Variants in CSNK2A2IP observed in about 807,000 individuals in gnomAD.
The protein encoded by CSNK2A2IP is casein kinase 2 subunit alpha' interacting protein, also known as casein kinase II subunit alpha'-interacting protein.
At chr3:88,460,533 G>A in the CSNK2A2IP span, among the ~76,000 whole-genome samples, 2 of 152,044 alleles carry the variant, frequency 1.3e-5, no homozygotes, top group African/African-American at 4.8e-5. Context: ...ACCTTTCAGT[G>A]CAATTTTGTT....
At chr3:88,352,679 A>G in the CSNK2A2IP span, among the ~76,000 whole-genome samples, 1 of 151,966 alleles carries the variant, frequency 6.6e-6, no homozygotes. Flanking sequence ...CCCAGGCTCT[A>G]ATGATCCTCC....
At chr3:88,418,463 T>TGTGCGCGCGCGCGCGCACGCGC in the CSNK2A2IP span, among the ~76,000 whole-genome samples, 3 of 149,536 alleles carry the variant, frequency 2.0e-5, no homozygotes, top group African/African-American at 7.4e-5. Context: ...TGTGTGTGTG[T>TGTGCGCGCGCGCGCGCACGCGC]GCGCGCGGGC....
At chr3:88,460,429 C>A in the CSNK2A2IP span, among the ~76,000 whole-genome samples, 1 of 152,110 alleles carries the variant, frequency 6.6e-6, no homozygotes, top group African/African-American at 2.4e-5. Context: ...ACATTACGTT[C>A]TTCACTACCT....
the CSNK2A2IP span, among the ~76,000 whole-genome samples, chr3:88,463,485 A>T: frequency 1.3e-5 from 2 of 152,124 alleles, no homozygotes; most frequent in African/African-American, 2.4e-5. Flanking sequence ...CCACTTTTTG[A>T]TGGGGTTGTA....
At chr3:88,437,646 A>G in the CSNK2A2IP span, among the ~76,000 whole-genome samples, 1 of 152,184 alleles carries the variant, frequency 6.6e-6, no homozygotes, top group East Asian at 1.9e-4. Flanking sequence ...AATGAGAAAT[A>G]CTAATTAAAA....
the CSNK2A2IP span, among the ~76,000 whole-genome samples, chr3:88,437,011 TTAAAA>T: frequency 6.6e-6 from 1 of 152,134 alleles, no homozygotes; most frequent in South Asian, 2.1e-4. Flanking sequence ...TTATTCTACA[TTAAAA>T]TAAAGTCCAG....
At chr3:88,340,287 A>C in the CSNK2A2IP span, among the ~76,000 whole-genome samples, 6 of 151,994 alleles carry the variant, frequency 3.9e-5, no homozygotes, top group African/African-American at 1.4e-4. Context: ...ATCTAGAGAA[A>C]GGAAACCTCC....
chr3:88,415,934 A>G, the CSNK2A2IP span, among the ~76,000 whole-genome samples: 93 of 152,124 alleles, frequency 6.1e-4, 2 homozygotes, highest in African/African-American at 2.0e-3. Flanking sequence ...ATTCAGAAAC[A>G]AAGAAGCCAA....
the CSNK2A2IP span, among the ~76,000 whole-genome samples, chr3:88,406,930 C>T: frequency 6.6e-6 from 1 of 152,146 alleles, no homozygotes; most frequent in Admixed American, 6.5e-5. Flanking sequence ...GTGGCCGACA[C>T]GGAGGTGAGG....
the CSNK2A2IP span, among the ~76,000 whole-genome samples, chr3:88,462,271 C>G: frequency 6.6e-6 from 1 of 152,028 alleles, no homozygotes; most frequent in Non-Finnish European, 1.5e-5. Flanking sequence ...GAAATCTTTG[C>G]ATGCTCCAAA....
the CSNK2A2IP span, among the ~76,000 whole-genome samples, chr3:88,376,907 T>A: frequency 2.6e-5 from 4 of 151,858 alleles, no homozygotes; most frequent in Non-Finnish European, 5.9e-5. Flanking sequence ...TCTTTTCTTT[T>A]TTGCAACTCT....
the CSNK2A2IP span, among the ~76,000 whole-genome samples, chr3:88,403,146 A>T: frequency 6.6e-6 from 1 of 152,022 alleles, no homozygotes; most frequent in Non-Finnish European, 1.5e-5. Flanking sequence ...TCTTACCTAG[A>T]TTGTATGCTT....
the CSNK2A2IP span, among the ~76,000 whole-genome samples, chr3:88,461,319 CGAGGTGGGTGGATCAT>C: frequency 2.0e-5 from 3 of 151,864 alleles, no homozygotes; most frequent in Non-Finnish European, 2.9e-5. Flanking sequence ...TTTGGGAGGC[CGAGGTGGGTGGATCAT>C]GAGGTCAGGA....
At chr3:88,425,529 T>C in the CSNK2A2IP span, among the ~76,000 whole-genome samples, 1 of 152,158 alleles carries the variant, frequency 6.6e-6, no homozygotes, top group Admixed American at 6.6e-5. Flanking sequence ...GAATTCTGTT[T>C]TCTTGTCAAT....
At chr3:88,433,162 C>CAA in the CSNK2A2IP span, among the ~76,000 whole-genome samples, 301 of 152,072 alleles carry the variant, frequency 2.0e-3, no homozygotes, top group African/African-American at 7.0e-3. Flanking sequence ...TAGCTGTTTT[C>CAA]TTTTATAAAT....
the CSNK2A2IP span, among the ~76,000 whole-genome samples, chr3:88,398,221 G>A: frequency 3.9e-5 from 6 of 151,982 alleles, no homozygotes; most frequent in Non-Finnish European, 8.8e-5. Flanking sequence ...GTCTATGGAA[G>A]ATGAATGGCC....
the CSNK2A2IP span, chr3:88,466,024 A>G: frequency 3.4e-5 from 42 of 1,231,648 alleles, 1 homozygote; most frequent in Non-Finnish European, 4.3e-5. Flanking sequence ...ACCTCAGAAA[A>G]CATCCTCATT....
At chr3:88,403,212 T>C in the CSNK2A2IP span, among the ~76,000 whole-genome samples, 7 of 152,106 alleles carry the variant, frequency 4.6e-5, no homozygotes, top group East Asian at 5.8e-4. Flanking sequence ...TGCAAAACTA[T>C]TTCTCAAGTA....
At chr3:88,460,259 C>A in the CSNK2A2IP span, among the ~76,000 whole-genome samples, 1 of 152,024 alleles carries the variant, frequency 6.6e-6, no homozygotes, top group Non-Finnish European at 1.5e-5. Context: ...ATGCTTCTAG[C>A]AAAATACTTT....
Sources: gnomAD v4.1 joint callset for allele counts (sites outside exome capture counted in the v4.1 genomes callset) on GRCh38, gnomAD v4.1.1 for gene constraint, MANE v1.5 for transcripts, NCBI Gene and HGNC (gene_info 2026-07-23, HGNC 2026-07-21) for gene names.